ALX1: variants seen among roughly 807,000 people sequenced by gnomAD.
ALX1 encodes the protein ALX homeobox 1.
In ALX1, 19 loss-of-function variants were observed where a neutral mutation model predicts 31.7. That is an observed-to-expected ratio of 0.60 (90% confidence interval 0.42 to 0.88). The LOEUF is 0.88. ALX1 is among the 40% of genes least tolerant of loss of function. ALX1 has a pLI of 0.00. For synonymous variants in ALX1, 153 were observed against 148.8 expected, an observed-to-expected ratio of 1.03 and a Z score of -0.20; for missense variants, 415 against 407.8, an observed-to-expected ratio of 1.02 and a Z score of -0.15.
chr12:85,280,563 A>C, intron 1 of ALX1, 76 bp downstream of exon 1: 8 of 1,490,070 alleles, frequency 5.4e-6, no homozygotes, highest in Non-Finnish European at 7.3e-6. Flanking sequence ...CTGATCAGGC[A>C]GGGAGGGAGA....
Position 85,301,228 on chromosome 12 carries a change from C to T in ALX1, c.734C>T (p.Thr245Ile), listed in dbSNP as rs1314737998. 1 of 1,614,044 alleles carries T rather than the reference C, an allele frequency of 6.2e-7. No homozygotes were observed. Among genetic ancestry groups the T allele is most frequent in the Admixed American group, 1.7e-5 (1 of 59,992 alleles). ...ACTTCATGCATGTTACCACGTGACA[C>T]TTCCTCCTGTATGACACCTTATTCT... ...VVTSCMLPRD[T>I]SSCMTPYSHS... Residue 245 changes from threonine to isoleucine, a missense_variant, in exon 4 of 4, where the codon ACT becomes ATT. Transcript: ENST00000316824.
At chr12:85,292,593 A>G (rs530264079) in intron 3 of ALX1, among the ~76,000 whole-genome samples, 1 of 151,184 alleles carries the variant, frequency 6.6e-6, no homozygotes, top group South Asian at 2.1e-4. Flanking sequence ...AATTTAATAC[A>G]TAGATTAAAG....
At position 85,280,309 on chromosome 12, in the gene ALX1, A is replaced by G. The variant is rs116409037; in HGVS notation, c.48A>G (p.Lys16=). 23,159 of 1,613,746 alleles carry G rather than the reference A, an allele frequency of 0.014. 181 individuals carry two copies. The highest frequency in any genetic ancestry group is 0.016 in the Non-Finnish European group (18,839 of 1,180,020). ...EKFALKSPPS[K]NSDFYMGAGG... ...TTGCCCTCAAGAGCCCTCCGAGTAA[A>G]AACAGTGACTTTTACATGGGCGCAG... Residue 16 remains lysine (K), a synonymous_variant, in exon 1 of 4, where the codon AAA becomes AAG. Coordinates refer to ENST00000316824, the MANE Select transcript of ALX1 (RefSeq NM_006982.3).
intron 3 of ALX1, 118 bp from the exon 4 acceptor site, chr12:85,301,037 C>T (rs917395863): frequency 8.6e-6 from 9 of 1,048,160 alleles, no homozygotes; most frequent in Non-Finnish European, 1.3e-5. Flanking sequence ...AATTACAGAC[C>T]ACCCAATAGG....
chr12:85,287,050 G>A (rs1896758266), intron 3 of ALX1, 69 bp downstream of exon 3: 2 of 1,563,708 alleles, frequency 1.3e-6, no homozygotes, highest in East Asian at 2.3e-5. Context: ...AAAATGGTTA[G>A]CATAGGCTTT....
intron 2 of ALX1, among the ~76,000 whole-genome samples, chr12:85,285,087 C>T (rs144043620): frequency 6.6e-6 from 1 of 151,938 alleles, no homozygotes; most frequent in Non-Finnish European, 1.5e-5. Context: ...TATTAACACC[C>T]GCTGTGTAAG....
chr12:85,287,545 C>T (rs1158981846), intron 3 of ALX1, among the ~76,000 whole-genome samples: 1 of 150,842 alleles, frequency 6.6e-6, no homozygotes, highest in African/African-American at 2.4e-5. Flanking sequence ...TAGTATCAGA[C>T]ATAATTTTAA....
chr12:85,301,103 G>A, intron 3 of ALX1, 52 bp from the exon 4 acceptor site: 1 of 1,600,512 alleles, frequency 6.2e-7, no homozygotes, highest in Non-Finnish European at 8.6e-7. Flanking sequence ...AAAAGTAAGA[G>A]AACAAAAGTG....
At chr12:85,297,458 A>G (rs951362823) in intron 3 of ALX1, among the ~76,000 whole-genome samples, 2 of 151,694 alleles carry the variant, frequency 1.3e-5, no homozygotes, top group South Asian at 4.1e-4. Context: ...AGATTTTTAC[A>G]TGTAAGAAAG....
chr12:85,294,951 C>T (rs1053903517), intron 3 of ALX1, among the ~76,000 whole-genome samples: 1 of 151,046 alleles, frequency 6.6e-6, no homozygotes. Context: ...TGGAAAAGTA[C>T]TTTAAGAATG....
At chr12:85,281,449 G>C (rs1481067020) in intron 1 of ALX1, among the ~76,000 whole-genome samples, 1 of 152,116 alleles carries the variant, frequency 6.6e-6, no homozygotes, top group Non-Finnish European at 1.5e-5. Context: ...TAAGGGGCGG[G>C]TTGCTTTAAA....
chr12:85,298,059 G>T (rs1358039147), intron 3 of ALX1, among the ~76,000 whole-genome samples: 1 of 151,686 alleles, frequency 6.6e-6, no homozygotes, highest in Non-Finnish European at 1.5e-5. Context: ...CAAAACAGTT[G>T]TGAGAAATAA....
At chr12:85,297,140 T>C (rs767587197) in intron 3 of ALX1, among the ~76,000 whole-genome samples, 1 of 151,706 alleles carries the variant, frequency 6.6e-6, no homozygotes, top group Non-Finnish European at 1.5e-5. Flanking sequence ...TTGATAGCAC[T>C]ATAGTCAACC....
intron 3 of ALX1, 76 bp downstream of exon 3, chr12:85,287,057 C>G: frequency 6.5e-7 from 1 of 1,532,132 alleles, no homozygotes; most frequent in Non-Finnish European, 9.0e-7. Context: ...TTAGCATAGG[C>G]TTTATTATAT....
At chr12:85,286,747 T>TA (rs202034803) in intron 2 of ALX1, 106 bp from the exon 3 acceptor site, 4 of 1,050,462 alleles carry the variant, frequency 3.8e-6, no homozygotes, top group Non-Finnish European at 5.3e-6. Flanking sequence ...TCTTTTTACG[T>TA]AATTTTTTTA....
At chr12:85,287,791 A>G (rs1896769105) in intron 3 of ALX1, among the ~76,000 whole-genome samples, 1 of 151,482 alleles carries the variant, frequency 6.6e-6, no homozygotes, top group African/African-American at 2.4e-5. Context: ...TGATGAAAAA[A>G]AACCTACGTT....
intron 3 of ALX1, among the ~76,000 whole-genome samples, chr12:85,299,758 T>G (rs1012506810): frequency 1.3e-5 from 2 of 151,904 alleles, no homozygotes; most frequent in South Asian, 2.1e-4. Flanking sequence ...TTTTTTGCTC[T>G]TATTTGAAAA....
chr12:85,293,265 G>A (rs1565942612), intron 3 of ALX1, among the ~76,000 whole-genome samples: 1 of 148,018 alleles, frequency 6.8e-6, no homozygotes, highest in Non-Finnish European at 1.5e-5. Flanking sequence ...ATGTATGTGT[G>A]TATATATATA....
intron 3 of ALX1, among the ~76,000 whole-genome samples, chr12:85,297,680 T>A (rs1342549307): frequency 6.6e-6 from 1 of 151,568 alleles, no homozygotes; most frequent in Non-Finnish European, 1.5e-5. Context: ...TTCAATTGAT[T>A]TTCAGAATTC....
Sources: gnomAD v4.1 joint callset for allele counts (sites outside exome capture counted in the v4.1 genomes callset) on GRCh38, gnomAD v4.1.1 for gene constraint, MANE v1.5 for transcripts, NCBI Gene and HGNC (gene_info 2026-07-23, HGNC 2026-07-21) for gene names.